Variants in ASIC4 observed in about 807,000 individuals in gnomAD.
ASIC4 encodes acid-sensing ion channel 4.
In ASIC4, 28 loss-of-function variants were observed where a neutral mutation model predicts 53.4. That is an observed-to-expected ratio of 0.52 (90% CI 0.39 to 0.72). The LOEUF is 0.72. Among genes scored for constraint, ASIC4 ranks in the 30% least tolerant of loss-of-function variants. The pLI, the probability that ASIC4 is intolerant of heterozygous loss-of-function variation, is 0.00. For missense variants in ASIC4, 649 were observed against 729.7 expected, an observed-to-expected ratio of 0.89 and a Z score of 1.27; for synonymous variants, 289 against 301.4, an observed-to-expected ratio of 0.96 and a Z score of 0.43.
intron 1 of ASIC4, among the ~76,000 whole-genome samples, chr2:219,524,986 A>G (rs1357078494): frequency 1.3e-5 from 2 of 152,250 alleles, no homozygotes. Flanking sequence ...ATGTAACTTT[A>G]GGAGGAGGAA....
At chr2:219,535,722 A>G (rs1354552578) in intron 6 of ASIC4, among the ~76,000 whole-genome samples, 2 of 150,246 alleles carry the variant, frequency 1.3e-5, no homozygotes, top group South Asian at 2.1e-4. Flanking sequence ...CCGCATCTCT[A>G]TGATGAGTCT....
chr2:219,524,008 A>G (rs1284355218), intron 1 of ASIC4, among the ~76,000 whole-genome samples: 2 of 152,004 alleles, frequency 1.3e-5, no homozygotes, highest in African/African-American at 4.8e-5. Flanking sequence ...TTATTTGTAG[A>G]GACGAGGTCT....
At chr2:219,533,085 G>A (rs773722506) in intron 5 of ASIC4, 146 bp downstream of exon 5, 7 of 889,446 alleles carry the variant, frequency 7.9e-6, no homozygotes, top group South Asian at 5.5e-5. Flanking sequence ...TACTTCAGTG[G>A]GGTTGGGGAG....
intron 1 of ASIC4, 92 bp downstream of exon 1, chr2:219,515,398 A>G: frequency 6.9e-7 from 1 of 1,454,798 alleles, no homozygotes; most frequent in Non-Finnish European, 9.2e-7. Flanking sequence ...GGGCATCCTC[A>G]ACAGGGCTTC....
At chr2:219,514,479 A>C, upstream of ASIC4, 1 of 1,550,522 alleles carries the variant, frequency 6.4e-7, no homozygotes. Context: ...CAAGGAGACG[A>C]TCGAGGAGAG....
chr2:219,529,384 A>G (rs572714462), intron 1 of ASIC4, among the ~76,000 whole-genome samples: 4 of 152,104 alleles, frequency 2.6e-5, no homozygotes, highest in African/African-American at 9.6e-5. Context: ...AGGGAAGGAG[A>G]GGACTTGGGG....
intron 1 of ASIC4, among the ~76,000 whole-genome samples, chr2:219,525,868 G>A (rs1453844646): frequency 1.3e-5 from 2 of 152,226 alleles, no homozygotes; most frequent in Non-Finnish European, 2.9e-5. Flanking sequence ...ACCCCATCAA[G>A]GGGAGAGCTG....
chr2:219,535,397 C>G, intron 6 of ASIC4, 73 bp downstream of exon 6: 2 of 1,453,324 alleles, frequency 1.4e-6, no homozygotes, highest in Non-Finnish European at 1.8e-6. Context: ...GGCTGTGTGA[C>G]TCTGTGTGTA....
At chr2:219,527,098 G>A (rs1694972740) in intron 1 of ASIC4, among the ~76,000 whole-genome samples, 1 of 152,346 alleles carries the variant, frequency 6.6e-6, no homozygotes, top group African/African-American at 2.4e-5. Context: ...TGGACAACCT[G>A]TGGGACCTTG....
At chr2:219,532,802 G>A in intron 4 of ASIC4, 81 bp from the exon 5 acceptor site, 2 of 1,288,286 alleles carry the variant, frequency 1.6e-6, no homozygotes, top group Non-Finnish European at 1.1e-6. Context: ...GTGTGTGCAT[G>A]CATGTATGTG....
upstream of ASIC4, among the ~76,000 whole-genome samples, chr2:219,509,710 G>T (rs769068824): frequency 8.0e-4 from 122 of 152,132 alleles, no homozygotes; most frequent in Non-Finnish European, 1.6e-3. The surrounding 1 kb of genome is among the most constrained non-coding windows in gnomAD (Gnocchi z 5.2). Context: ...GTGATCTCTG[G>T]GAAGCCATCT....
intron 5 of ASIC4, chr2:219,533,367 G>A (rs1026482565): frequency 4.6e-5 from 12 of 262,836 alleles, no homozygotes; most frequent in Non-Finnish European, 1.5e-5. Context: ...TCATCGATTC[G>A]CGCATTCTCC....
chr2:219,513,447 G>T (rs1340111112), upstream of ASIC4, among the ~76,000 whole-genome samples: 1 of 152,008 alleles, frequency 6.6e-6, no homozygotes, highest in Non-Finnish European at 1.5e-5. Flanking sequence ...ACCCCTTAGG[G>T]CTCTCCTGCC....
upstream of ASIC4, among the ~76,000 whole-genome samples, chr2:219,513,237 C>T (rs915820276): frequency 5.9e-5 from 9 of 152,256 alleles, no homozygotes; most frequent in South Asian, 6.2e-4. Context: ...TAATCAGCCC[C>T]CCTTTCCTCC....
At chr2:219,535,542 G>T (rs1206734025) in intron 6 of ASIC4, among the ~76,000 whole-genome samples, 6 of 142,714 alleles carry the variant, frequency 4.2e-5, no homozygotes, top group Non-Finnish European at 8.0e-5. Flanking sequence ...TGTCTTGTGG[G>T]TGTGTGAGTG....
chr2:219,524,374 A>G (rs112694447), intron 1 of ASIC4, among the ~76,000 whole-genome samples: 1 of 152,246 alleles, frequency 6.6e-6, no homozygotes, highest in Non-Finnish European at 1.5e-5. Flanking sequence ...GGTGGACTCC[A>G]GGGCCAGACT....
upstream of ASIC4, among the ~76,000 whole-genome samples, chr2:219,509,438 GAC>G (rs1219666432): frequency 3.9e-5 from 6 of 152,148 alleles, no homozygotes; most frequent in African/African-American, 9.7e-5. The surrounding 1 kb of genome is among the most constrained non-coding windows in gnomAD (Gnocchi z 5.2). Flanking sequence ...TACACCCACT[GAC>G]ACACGCTCCC....
chr2:219,515,080 A>G lies in ASIC4; in HGVS notation c.356A>G (p.Asn119Ser). ...GGCTTCCCGGCTGTCACCCTCTGCA[A>G]TATCAACCGCTTCCGGCATTCGGCA... ...VAGFPAVTLCNINRFRHSALS... is the reference protein window; with the variant it reads ...VAGFPAVTLCSINRFRHSALS... Residue 119 changes from asparagine (N) to serine (S), a missense_variant, in exon 1 of 10, where the codon AAT becomes AGT. Coordinates refer to ENST00000358078, the MANE Select transcript of ASIC4 (RefSeq NM_018674.6). 3 of 1,613,886 alleles carry G rather than the reference A, an allele frequency of 1.9e-6. No homozygotes were observed. Among genetic ancestry groups the G allele is most frequent in the Non-Finnish European group, 2.5e-6 (3 of 1,180,018 alleles).
upstream of ASIC4, among the ~76,000 whole-genome samples, chr2:219,509,198 T>C (rs544693558): frequency 6.6e-6 from 1 of 152,062 alleles, no homozygotes; most frequent in South Asian, 2.1e-4. This position sits in a 1 kb window ranked among gnomAD's most constrained non-coding sequence, Gnocchi z 5.2. Context: ...TAGCAGCCAT[T>C]ATCGGGGGAG....
Sources: gnomAD v4.1 joint callset for allele counts (sites outside exome capture counted in the v4.1 genomes callset) on GRCh38, gnomAD v4.1.1 for gene constraint, Gnocchi (gnomAD v3.1) non-coding constraint, MANE v1.5 for transcripts, NCBI Gene and HGNC (gene_info 2026-07-23, HGNC 2026-07-21) for gene names.